The following TENM2 variants were observed in gnomAD, a reference collection of about 807,000 sequenced individuals.
The protein encoded by TENM2 is teneurin transmembrane protein 2, also known as teneurin-2.
In TENM2, 52 loss-of-function variants were observed where a neutral mutation model predicts 245.2. The ratio of observed to expected loss-of-function variants is 0.21; its 90% CI spans 0.17 to 0.27. TENM2 has a LOEUF of 0.27. Among genes scored for constraint, TENM2 ranks in the 10% least tolerant of loss-of-function variants. The pLI is 1.00. For missense variants in TENM2, 3,046 were observed against 3,666.8 expected (o/e 0.83, Z 4.37); for synonymous variants, 1,363 against 1,438.9 (o/e 0.95, Z 1.19).
chr5:167,953,703 T>C (rs1184877675), intron 4 of TENM2, among the ~76,000 whole-genome samples: 8 of 152,204 alleles, frequency 5.3e-5, no homozygotes. Flanking sequence ...GGAGGGCTAA[T>C]TCATACTGAC....
At chr5:167,448,235 C>T (rs1198302148) in intron 2 of TENM2, among the ~76,000 whole-genome samples, 1 of 151,922 alleles carries the variant, frequency 6.6e-6, no homozygotes, top group Non-Finnish European at 1.5e-5. Flanking sequence ...CCAAAGACAC[C>T]ATGGATGTGA....
rs564389378 is a variant in TENM2 at position 167,806,593 on chromosome 5, A to G, written c.503-69393A>G. 1.4e-3 allele frequency among the ~76,000 whole-genome samples: 210 copies of G among 152,208 alleles called. 1 individual carries two copies. Among genetic ancestry groups the G allele is most frequent in the African/African-American group, 4.8e-3 (198 of 41,544 alleles). ...TAATGTTCTCTGAAGATCAAGTCCA[A>G]TGGAAAAGAAGATTCTTTTCCTACA... is the stretch of plus-strand genomic sequence containing the variant. On this transcript the variant is annotated intron_variant, in intron 2 of 28. Transcript: ENST00000518659.
the TENM2 span, among the ~76,000 whole-genome samples, chr5:167,167,631 C>G: frequency 6.6e-6 from 1 of 152,194 alleles, no homozygotes; most frequent in African/African-American, 2.4e-5. Context: ...TGAAGACTGT[C>G]TTATGTGTGA....
the TENM2 span, among the ~76,000 whole-genome samples, chr5:167,134,545 A>T: frequency 2.0e-5 from 3 of 152,202 alleles, no homozygotes; most frequent in Admixed American, 2.0e-4. Context: ...CTGAATGTTG[A>T]TTTCAGTCGG....
chr5:167,894,988 A>AGGAGGGAG (rs1554140158), intron 3 of TENM2, among the ~76,000 whole-genome samples: 10 of 106,368 alleles, frequency 9.4e-5, no homozygotes, highest in African/African-American at 1.5e-4. Context: ...GAAGGAAGGA[A>AGGAGGGAG]GGAGGGAAGG....
chr5:167,447,635 A>G (rs7707198), intron 2 of TENM2, among the ~76,000 whole-genome samples: 1 of 151,948 alleles, frequency 6.6e-6, no homozygotes. Flanking sequence ...ACCTGACCCC[A>G]TTCATACCAC....
intron 7 of TENM2, among the ~76,000 whole-genome samples, chr5:168,083,970 C>T (rs990095661): frequency 2.6e-5 from 4 of 152,062 alleles, no homozygotes; most frequent in South Asian, 2.1e-4. Flanking sequence ...TCTTTATTTC[C>T]GTGCATACCC....
intron 2 of TENM2, among the ~76,000 whole-genome samples, chr5:167,389,264 A>G (rs1463613592): frequency 1.3e-5 from 2 of 150,354 alleles, no homozygotes; most frequent in East Asian, 3.9e-4. Context: ...ATATATATAT[A>G]TATATATCCA....
intron 2 of TENM2, among the ~76,000 whole-genome samples, chr5:167,482,227 T>A (rs1287918937): frequency 2.0e-5 from 3 of 152,164 alleles, no homozygotes; most frequent in Non-Finnish European, 4.4e-5. Context: ...CTCTAGACTA[T>A]TTTTTTAAAT....
chr5:168,090,584 T>C (rs751100129), exon 8 of TENM2: 3 of 1,612,724 alleles, frequency 1.9e-6, no homozygotes, highest in Non-Finnish European at 2.5e-6. Flanking sequence ...TATGACTTCA[T>C]GGAACGTCTG....
intron 1 of TENM2, among the ~76,000 whole-genome samples, chr5:167,351,816 C>T (rs538869131): frequency 9.2e-4 from 139 of 151,422 alleles, no homozygotes; most frequent in African/African-American, 3.3e-3. Flanking sequence ...GAGGCTATCG[C>T]AGAGTCCCCA....
intron 15 of TENM2, among the ~76,000 whole-genome samples, chr5:168,198,532 G>T (rs1473514612): frequency 6.6e-6 from 1 of 152,146 alleles, no homozygotes; most frequent in Non-Finnish European, 1.5e-5. Flanking sequence ...TGGTGGGCCG[G>T]ATTTAGCTCA....
intron 1 of TENM2, among the ~76,000 whole-genome samples, chr5:167,301,441 G>T (rs2082502015): frequency 6.6e-6 from 1 of 152,152 alleles, no homozygotes; most frequent in South Asian, 2.1e-4. Context: ...ATGTGGCTGG[G>T]GTTTGTCTCA....
intron 2 of TENM2, among the ~76,000 whole-genome samples, chr5:167,473,748 G>T (rs902145185): frequency 6.6e-6 from 1 of 152,158 alleles, no homozygotes; most frequent in Non-Finnish European, 1.5e-5. Flanking sequence ...CTAATTGTGT[G>T]ATATTGGACA....
At chr5:167,917,860 A>G (rs1777066395) in intron 3 of TENM2, among the ~76,000 whole-genome samples, 2 of 152,234 alleles carry the variant, frequency 1.3e-5, no homozygotes. Flanking sequence ...CATGTTGACA[A>G]AAGTCTCCAT....
chr5:168,132,721 AC>A (rs1754701463), intron 12 of TENM2, among the ~76,000 whole-genome samples: 1 of 152,206 alleles, frequency 6.6e-6, no homozygotes, highest in African/African-American at 2.4e-5. Context: ...AAGAAAGGGG[AC>A]CATGTAATAA....
intron 7 of TENM2, among the ~76,000 whole-genome samples, chr5:168,078,352 G>A (rs1199938293): frequency 6.6e-6 from 1 of 152,138 alleles, no homozygotes. Context: ...TGGGTAGACT[G>A]TAAAAATTTT....
At chr5:167,397,826 T>C (rs1762143791) in intron 2 of TENM2, among the ~76,000 whole-genome samples, 3 of 152,190 alleles carry the variant, frequency 2.0e-5, no homozygotes, top group African/African-American at 7.2e-5. Context: ...CTCTAAAACA[T>C]GTCTCAGAAT....
At chr5:167,650,707 C>T (rs1308076412) in intron 2 of TENM2, among the ~76,000 whole-genome samples, 3 of 151,998 alleles carry the variant, frequency 2.0e-5, no homozygotes, top group African/African-American at 7.2e-5. Context: ...GATTAAAAGG[C>T]GAGTATTTTT....
Sources: gnomAD v4.1 joint callset for allele counts (sites outside exome capture counted in the v4.1 genomes callset) on GRCh38, gnomAD v4.1.1 for gene constraint, MANE v1.5 for transcripts, NCBI Gene and HGNC (gene_info 2026-07-23, HGNC 2026-07-21) for gene names.